Variants in CDH20 observed in about 807,000 individuals in gnomAD.
CDH20 encodes the protein cadherin 20, also known as cadherin-20.
In CDH20, 29 loss-of-function variants were observed where a neutral mutation model predicts 74.2. That is an observed-to-expected ratio of 0.39 (90% CI 0.29 to 0.53). CDH20 has a LOEUF of 0.53. Ranked by LOEUF, CDH20 falls within the 20% of genes least tolerant of loss-of-function variation. The pLI, the probability that CDH20 is intolerant of heterozygous loss-of-function variation, is 0.69. For missense variants in CDH20, 988 were observed against 1,048.3 expected, an observed-to-expected ratio of 0.94 and a Z score of 0.79; for synonymous variants, 469 against 405.4, an observed-to-expected ratio of 1.16 and a Z score of -1.88.
intron 1 of CDH20, among the ~76,000 whole-genome samples, chr18:61,442,058 G>C (rs1568140921): frequency 6.6e-6 from 1 of 152,076 alleles, no homozygotes. Flanking sequence ...TGAAAACAAG[G>C]AAAATGCAAA....
intron 1 of CDH20, among the ~76,000 whole-genome samples, chr18:61,399,843 C>T (rs1434633370): frequency 6.6e-6 from 1 of 152,160 alleles, no homozygotes; most frequent in Non-Finnish European, 1.5e-5. Flanking sequence ...GGTTATGACT[C>T]ATGTATAATG....
intron 6 of CDH20, among the ~76,000 whole-genome samples, chr18:61,519,037 C>T (rs865937426): frequency 6.6e-6 from 1 of 150,868 alleles, no homozygotes; most frequent in Non-Finnish European, 1.5e-5. Context: ...TGAAGATCAA[C>T]TTAATGAAAA....
Position 61,490,723 on chromosome 18 carries a change from C to T in CDH20, c.170C>T (p.Thr57Ile). Residue 57 changes from threonine to isoleucine, a missense_variant, in exon 2 of 12, where the codon ACC becomes ATC. By Grantham distance (89) the Thr-to-Ile change is moderately conservative (BLOSUM62 -1). Around this residue, in one of 2 missense-constraint regions of CDH20, gnomAD observed 613 missense variants for 755.2 expected, o/e 0.81. Coordinates refer to ENST00000262717, the MANE Select transcript of CDH20 (RefSeq NM_031891.4). ...GACAAGCCACAGTCACATCAGCGGA[C>T]CAAGAGGAGCTGGGTTTGGAACCAG... ...LSDKPQSHQR[T>I]KRSWVWNQFF... The T allele has an allele frequency of 6.2e-7, 1 of 1,614,090 alleles. No homozygotes were observed. The highest frequency in any genetic ancestry group is 8.5e-7 in the Non-Finnish European group (1 of 1,180,002).
chr18:61,335,176 G>T (rs1416170855), intron 1 of CDH20, among the ~76,000 whole-genome samples: 3 of 152,306 alleles, frequency 2.0e-5, no homozygotes, highest in African/African-American at 7.2e-5. Flanking sequence ...GCCATCTTGA[G>T]AGTTGACCCA....
chr18:61,490,237 C>T (rs1268303994), intron 1 of CDH20, among the ~76,000 whole-genome samples, 165 bp from the exon 2 acceptor site: 1 of 152,108 alleles, frequency 6.6e-6, no homozygotes, highest in Non-Finnish European at 1.5e-5. Context: ...GTCTTATTAT[C>T]AAAATAGTAT....
chr18:61,367,611 A>G (rs1001760010), intron 1 of CDH20, among the ~76,000 whole-genome samples: 1 of 152,126 alleles, frequency 6.6e-6, no homozygotes, highest in Non-Finnish European at 1.5e-5. Flanking sequence ...TTCAAAGTCT[A>G]CAATGGCCAG....
intron 6 of CDH20, among the ~76,000 whole-genome samples, chr18:61,516,372 G>A (rs920549180): frequency 6.6e-6 from 1 of 152,150 alleles, no homozygotes; most frequent in African/African-American, 2.4e-5. Flanking sequence ...CCTTGAGTAT[G>A]GGGAGTGGGA....
At chr18:61,463,184 G>T (rs1046508820) in intron 1 of CDH20, among the ~76,000 whole-genome samples, 1 of 151,748 alleles carries the variant, frequency 6.6e-6, no homozygotes, top group Non-Finnish European at 1.5e-5. Context: ...GATCCTTCTC[G>T]CTTCCTTGTA....
intron 1 of CDH20, among the ~76,000 whole-genome samples, chr18:61,365,961 G>T (rs1207492160): frequency 6.6e-6 from 1 of 151,994 alleles, no homozygotes; most frequent in Non-Finnish European, 1.5e-5. Flanking sequence ...TTGAAATATT[G>T]GGGGGTTTTG....
At chr18:61,387,340 A>T (rs969019792) in intron 1 of CDH20, among the ~76,000 whole-genome samples, 18 of 152,164 alleles carry the variant, frequency 1.2e-4, no homozygotes, top group African/African-American at 4.3e-4. Flanking sequence ...GTAGACAATT[A>T]CCAGGGTCTG....
At chr18:61,356,164 G>A (rs185480943) in intron 1 of CDH20, among the ~76,000 whole-genome samples, 1 of 152,266 alleles carries the variant, frequency 6.6e-6, no homozygotes, top group Admixed American at 6.5e-5. Context: ...AAATACTTAA[G>A]CTTCTCATAT....
intron 1 of CDH20, among the ~76,000 whole-genome samples, chr18:61,468,798 C>A (rs982905985): frequency 6.6e-6 from 1 of 152,164 alleles, no homozygotes; most frequent in African/African-American, 2.4e-5. Context: ...TAATGAAGTT[C>A]CTCAAAAAGC....
chr18:61,545,276 G>T (rs1568185335), intron 10 of CDH20, 132 bp downstream of exon 10: 10 of 551,492 alleles, frequency 1.8e-5, no homozygotes, highest in East Asian at 3.1e-5. Flanking sequence ...ATAATTCAGT[G>T]TATTTTTTTT....
intron 1 of CDH20, among the ~76,000 whole-genome samples, chr18:61,479,512 C>T (rs916354138): frequency 6.6e-6 from 1 of 152,114 alleles, no homozygotes; most frequent in Non-Finnish European, 1.5e-5. Flanking sequence ...AAAAGAATAG[C>T]CAATGTTTAT....
intron 5 of CDH20, among the ~76,000 whole-genome samples, chr18:61,503,523 C>T (rs576302652): frequency 2.0e-5 from 3 of 152,282 alleles, no homozygotes; most frequent in East Asian, 3.9e-4. Flanking sequence ...CCCCAGGGGG[C>T]CATATTGATC....
At chr18:61,423,074 C>G (rs1400387510) in intron 1 of CDH20, among the ~76,000 whole-genome samples, 1 of 152,072 alleles carries the variant, frequency 6.6e-6, no homozygotes, top group Non-Finnish European at 1.5e-5. Context: ...TCTTTCTGTT[C>G]TTTTTATCAA....
intron 1 of CDH20, among the ~76,000 whole-genome samples, chr18:61,374,116 G>A (rs764728332): frequency 2.0e-5 from 3 of 152,072 alleles, no homozygotes; most frequent in Non-Finnish European, 4.4e-5. Flanking sequence ...CAGAGTGTGT[G>A]TATATTGGGG....
intron 1 of CDH20, among the ~76,000 whole-genome samples, chr18:61,484,214 G>A (rs1379710144): frequency 1.3e-5 from 2 of 152,178 alleles, no homozygotes; most frequent in Non-Finnish European, 2.9e-5. Flanking sequence ...AATTATAAAT[G>A]TCACATAAAA....
chr18:61,512,877 A>G (rs1177852983), intron 6 of CDH20, among the ~76,000 whole-genome samples: 1 of 152,154 alleles, frequency 6.6e-6, no homozygotes, highest in Non-Finnish European at 1.5e-5. Context: ...ACAGTTTGTT[A>G]TAATTTCTGT....
Sources: gnomAD v4.1 joint callset for allele counts (sites outside exome capture counted in the v4.1 genomes callset) on GRCh38, gnomAD v4.1.1 for gene constraint, gnomAD v4.1.1 regional missense constraint, MANE v1.5 for transcripts, NCBI Gene and HGNC (gene_info 2026-07-23, HGNC 2026-07-21) for gene names.